Variants in MAPK10 observed in about 807,000 individuals in gnomAD.
MAPK10 encodes the protein mitogen-activated protein kinase 10.
In MAPK10, 25 loss-of-function variants were observed where a neutral mutation model predicts 59.3. The ratio of observed to expected loss-of-function variants is 0.42; its 90% CI spans 0.31 to 0.59. The LOEUF is 0.59. Ranked by LOEUF, MAPK10 falls within the 20% of genes least tolerant of loss-of-function variation. The pLI is 0.15. For synonymous variants in MAPK10, 190 were observed against 200.5 expected (o/e 0.95, Z 0.44); for missense variants, 351 against 568.9 (o/e 0.62, Z 3.90).
Position 86,371,659 on chromosome 4 carries a change from T to C in MAPK10, c.-121-17015A>G, listed in dbSNP as rs539359007. On this transcript the variant is annotated intron_variant, in intron 1 of 13. Transcript: ENST00000361569. ...AGATCAATACAGCATGCAGGTGATT[T>C]CTGCATTTCCAACTGAGGTACCGGG... Among the ~76,000 whole-genome samples, 12 of 152,230 alleles carry C rather than the reference T, an allele frequency of 7.9e-5. No individual in the cohort carries two copies. In the East Asian group the frequency reaches 2.3e-3, roughly 29 times the overall value.
chr4:86,572,507 C>G (rs1270000480), intron 1 of MAPK10, among the ~76,000 whole-genome samples: 2 of 152,140 alleles, frequency 1.3e-5, no homozygotes, highest in Admixed American at 1.3e-4. Context: ...TGGGGTATCT[C>G]CAACACTATA....
At chr4:86,033,329 G>T (rs1168890055) in intron 11 of MAPK10, among the ~76,000 whole-genome samples, 1 of 152,190 alleles carries the variant, frequency 6.6e-6, no homozygotes, top group Non-Finnish European at 1.5e-5. Flanking sequence ...CAGGACCCCT[G>T]CAGGACACAG....
At chr4:86,149,183 T>C (rs575371067) in intron 4 of MAPK10, among the ~76,000 whole-genome samples, 15 of 152,346 alleles carry the variant, frequency 9.8e-5, no homozygotes, top group Admixed American at 8.5e-4. Context: ...GCTTGAAAAT[T>C]AGTACCTGTC....
At position 86,571,200 on chromosome 4, in the gene MAPK10, T is replaced by G. The variant is rs548857577; in HGVS notation, c.-263+22710A>C. ...AAAATACTTAGGGTTTTTTTTTTAG[T>G]GATTGGAATCTGTAAAAAATAAAAT... On this transcript the variant is annotated intron_variant, in intron 1 of 4. Coordinates refer to the MAPK10 transcript ENST00000502302. Among the ~76,000 whole-genome samples the G allele has an allele frequency of 1.1e-3, 171 of 150,762 alleles. 2 individuals carry two copies. Among genetic ancestry groups the G allele is most frequent in the African/African-American group, 4.0e-3 (163 of 41,248 alleles).
intron 4 of MAPK10, chr4:86,123,764 C>A (rs1032398290): frequency 1.3e-5 from 2 of 152,014 alleles, no homozygotes; most frequent in Admixed American, 6.6e-5. Context: ...TCAGTCAGAA[C>A]AAAACAACCT....
chr4:86,104,870 C>G lies in MAPK10; in HGVS notation c.367-1626G>C, dbSNP rs76849208. ...ATTTCTCTTCTATCCTTCATTTGCT[C>G]TCTTGTAAATTCTAATTCCTACCAA... On this transcript the variant is annotated intron_variant, in intron 5 of 13. Coordinates refer to ENST00000641462, the MANE Select transcript of MAPK10 (RefSeq NM_138982.4). Among the ~76,000 whole-genome samples, 139 of 152,026 alleles carry G rather than the reference C, an allele frequency of 9.1e-4. 3 individuals carry two copies. The East Asian group carries it at 0.015, about 16-fold the overall frequency.
intron 1 of MAPK10, among the ~76,000 whole-genome samples, chr4:86,481,870 A>T (rs1333230416): frequency 1.3e-5 from 2 of 152,150 alleles, no homozygotes; most frequent in East Asian, 3.9e-4. Context: ...GGACTGCTTG[A>T]TTTCTCTAAG....
chr4:86,544,897 C>G (rs1274157129), intron 1 of MAPK10, among the ~76,000 whole-genome samples: 14 of 147,288 alleles, frequency 9.5e-5, no homozygotes, highest in Non-Finnish European at 1.8e-4. Context: ...TTTTTTTTCA[C>G]TATTTCAACA....
At position 86,107,241 on chromosome 4, in the gene MAPK10, C is replaced by T. The variant is rs1313496882; in HGVS notation, c.348G>A (p.Lys116=). 7 of 1,612,852 alleles carry T rather than the reference C, an allele frequency of 4.3e-6. No homozygotes were observed. The highest frequency in any genetic ancestry group is 3.3e-5 in the Admixed American group (2 of 59,878). Residue 116 remains lysine (K), a synonymous_variant, in exon 5 of 14, where the codon AAG becomes AAA. Transcript: ENST00000641462. ...KRAYRELVLM[K]CVNHKNIISL... ...AACTCACGTTTTTATGGTTCACACA[C>T]TTCATGAGGACCAGCTCCCGGTACG...
At chr4:86,479,829 A>C (rs548905924) in intron 1 of MAPK10, among the ~76,000 whole-genome samples, 6 of 152,132 alleles carry the variant, frequency 3.9e-5, no homozygotes, top group South Asian at 4.1e-4. Flanking sequence ...ATCACCAATA[A>C]TTCTATAAGA....
intron 13 of MAPK10, among the ~76,000 whole-genome samples, chr4:86,023,276 T>C (rs1560624702): frequency 6.6e-6 from 1 of 152,232 alleles, no homozygotes; most frequent in Non-Finnish European, 1.5e-5. Context: ...ACTCTCAATT[T>C]GATTCCGTTG....
At chr4:86,267,778 T>G (rs114738271) in intron 2 of MAPK10, among the ~76,000 whole-genome samples, 4 of 152,116 alleles carry the variant, frequency 2.6e-5, no homozygotes, top group Middle Eastern at 3.2e-3. Flanking sequence ...CTTATTAAAG[T>G]GGCCTTCCAT....
intron 1 of MAPK10, among the ~76,000 whole-genome samples, chr4:86,381,656 G>A (rs967789867): frequency 3.9e-5 from 6 of 152,186 alleles, no homozygotes; most frequent in East Asian, 1.9e-4. Flanking sequence ...CCCTGGCTCC[G>A]CTTGTGGAGT....
intron 2 of MAPK10, among the ~76,000 whole-genome samples, chr4:86,274,695 A>C (rs759138556): frequency 6.6e-6 from 1 of 151,998 alleles, no homozygotes; most frequent in Non-Finnish European, 1.5e-5. Context: ...TCTGCATGGT[A>C]AACTGATTAG....
At chr4:86,497,807 C>T (rs1754988623) in intron 1 of MAPK10, among the ~76,000 whole-genome samples, 1 of 152,160 alleles carries the variant, frequency 6.6e-6, no homozygotes, top group African/African-American at 2.4e-5. Context: ...TCAGCACTTG[C>T]ACTCCACTCC....
chr4:86,240,148 T>C (rs1021897205), intron 2 of MAPK10, among the ~76,000 whole-genome samples: 11 of 152,220 alleles, frequency 7.2e-5, no homozygotes, highest in Non-Finnish European at 2.9e-5. Flanking sequence ...TTCCATGAAA[T>C]TGTGTGGTTT....
At chr4:86,055,956 T>C (rs2044465470) in intron 11 of MAPK10, among the ~76,000 whole-genome samples, 1 of 150,126 alleles carries the variant, frequency 6.7e-6, no homozygotes. Flanking sequence ...CTATTTTAAG[T>C]ACATTACTGT....
At chr4:86,429,242 C>T (rs776749301) in intron 1 of MAPK10, among the ~76,000 whole-genome samples, 3 of 152,044 alleles carry the variant, frequency 2.0e-5, no homozygotes, top group Admixed American at 6.6e-5. Flanking sequence ...TCGGAGATTT[C>T]GAAGCCTTAA....
chr4:86,234,860 T>G (rs1362005223), intron 2 of MAPK10, among the ~76,000 whole-genome samples: 1 of 152,166 alleles, frequency 6.6e-6, no homozygotes, highest in Non-Finnish European at 1.5e-5. Flanking sequence ...TACATCTCTT[T>G]GTAAGGAAAG....
Sources: gnomAD v4.1 joint callset for allele counts (sites outside exome capture counted in the v4.1 genomes callset) on GRCh38, gnomAD v4.1.1 for gene constraint, MANE v1.5 for transcripts, NCBI Gene and HGNC (gene_info 2026-07-23, HGNC 2026-07-21) for gene names.